Variants in KLF8 observed in about 807,000 individuals in gnomAD.
KLF8 encodes the protein Krueppel-like factor 8.
In KLF8, 10 loss-of-function variants were observed where a neutral mutation model predicts 18.2. That is an observed-to-expected ratio of 0.55 (90% confidence interval 0.34 to 0.93). The LOEUF (loss-of-function observed/expected upper bound fraction) is 0.93. Ranked by LOEUF, KLF8 falls within the 40% of genes least tolerant of loss-of-function variation. The pLI, the probability that KLF8 is intolerant of heterozygous loss-of-function variation, is 0.02. For missense variants in KLF8, 264 were observed against 277.9 expected (o/e 0.95, Z 0.36); for synonymous variants, 109 against 97.3 (o/e 1.12, Z -0.71).
chrX:55,938,209 G>A, the KLF8 span, among the ~76,000 whole-genome samples: 1 of 111,880 alleles, frequency 8.9e-6, no homozygotes, highest in African/African-American at 3.3e-5. Context: ...AAGAGATGGG[G>A]TGCCAATATT....
the KLF8 span, among the ~76,000 whole-genome samples, chrX:56,150,499 G>A: frequency 8.9e-6 from 1 of 111,739 alleles, no homozygotes; most frequent in African/African-American, 3.2e-5. Context: ...TACAACACCT[G>A]GGATGTAGTG....
the KLF8 span, among the ~76,000 whole-genome samples, chrX:56,195,801 TG>T: frequency 5.9e-4 from 66 of 111,033 alleles, no homozygotes; most frequent in African/African-American, 2.1e-3. Context: ...AGGGTCAAAA[TG>T]GAGGAAAAAG....
the KLF8 span, among the ~76,000 whole-genome samples, chrX:56,159,289 C>T: frequency 1.8e-5 from 2 of 111,787 alleles, no homozygotes; most frequent in Non-Finnish European, 3.8e-5. Context: ...TTAGGTTTGC[C>T]ATTGTTTTAT....
the KLF8 span, among the ~76,000 whole-genome samples, chrX:55,969,566 C>T: frequency 1.8e-5 from 2 of 110,534 alleles, no homozygotes; most frequent in Admixed American, 9.6e-5. Flanking sequence ...GCAAACCGAA[C>T]CCAAAATTAG....
chrX:56,099,589 T>C, the KLF8 span, among the ~76,000 whole-genome samples: 1 of 111,064 alleles, frequency 9.0e-6, no homozygotes, highest in Non-Finnish European at 1.9e-5. Context: ...AGCCAAGTTA[T>C]GAATGCGAAT....
At chrX:56,056,723 G>A in the KLF8 span, among the ~76,000 whole-genome samples, 114 of 96,754 alleles carry the variant, frequency 1.2e-3, 1 homozygote, top group African/African-American at 3.9e-3. Context: ...TGGGTGCAGC[G>A]CACCAGCATG....
intron 5 of KLF8, among the ~76,000 whole-genome samples, chrX:56,283,689 CTGTT>C (rs774529932): frequency 2.7e-5 from 3 of 112,298 alleles, no homozygotes; most frequent in Admixed American, 9.5e-5. Context: ...CTATTTTAGA[CTGTT>C]TGGTAGGAGA....
At chrX:56,125,346 G>A in the KLF8 span, among the ~76,000 whole-genome samples, 1 of 111,789 alleles carries the variant, frequency 8.9e-6, no homozygotes, top group Non-Finnish European at 1.9e-5. Flanking sequence ...AATGTCTAGA[G>A]TCCTGGGGAG....
chrX:56,179,636 A>G, the KLF8 span, among the ~76,000 whole-genome samples: 1 of 111,871 alleles, frequency 8.9e-6, no homozygotes, highest in Non-Finnish European at 1.9e-5. Flanking sequence ...TTTGTCCTAA[A>G]TAGCTCTTAT....
At chrX:56,037,958 TCC>T in the KLF8 span, among the ~76,000 whole-genome samples, 1 of 111,588 alleles carries the variant, frequency 9.0e-6, no homozygotes, top group African/African-American at 3.3e-5. Flanking sequence ...CCATCCCACC[TCC>T]CCACCACTTC....
the KLF8 span, among the ~76,000 whole-genome samples, chrX:55,954,923 G>A: frequency 9.0e-6 from 1 of 111,636 alleles, no homozygotes; most frequent in Non-Finnish European, 1.9e-5. Flanking sequence ...CATGTTGTAT[G>A]ATTCTATGTA....
At chrX:55,954,660 T>G in the KLF8 span, among the ~76,000 whole-genome samples, 1 of 112,354 alleles carries the variant, frequency 8.9e-6, no homozygotes, top group African/African-American at 3.2e-5. Flanking sequence ...ATTTATCATG[T>G]GCCCTAGCAA....
the KLF8 span, among the ~76,000 whole-genome samples, chrX:56,068,761 C>T: frequency 4.5e-5 from 5 of 111,053 alleles, no homozygotes; most frequent in Non-Finnish European, 3.8e-5. Context: ...CACAGCAGCC[C>T]CGCTTCTGCG....
At chrX:56,059,605 T>C in the KLF8 span, among the ~76,000 whole-genome samples, 1 of 112,222 alleles carries the variant, frequency 8.9e-6, no homozygotes, top group African/African-American at 3.2e-5. Flanking sequence ...ATTTATTAAA[T>C]AGGGAACCCT....
chrX:56,236,670 G>A (rs1164609134), intron 1 of KLF8, among the ~76,000 whole-genome samples: 2 of 110,882 alleles, frequency 1.8e-5, no homozygotes, highest in Non-Finnish European at 3.8e-5. Context: ...TTTTCAATTG[G>A]TAATGCATTC....
the KLF8 span, among the ~76,000 whole-genome samples, chrX:56,060,939 G>T: frequency 1.8e-5 from 2 of 111,761 alleles, no homozygotes; most frequent in Admixed American, 1.9e-4. Context: ...TATGTGTCCA[G>T]AAATTTACCC....
At position 56,290,666 on chromosome X, in the gene KLF8, C is replaced by G. The variant is rs193286793; in HGVS notation, c.*6172C>G. Among the ~76,000 whole-genome samples the G allele has an allele frequency of 5.3e-4, 59 of 111,208 alleles. 1 individual carries two copies. The highest frequency in any genetic ancestry group is 1.9e-3 in the African/African-American group (58 of 30,607). On this transcript the variant is annotated 3_prime_UTR_variant, in exon 6 of 6. Coordinates refer to ENST00000468660, the MANE Select transcript of KLF8 (RefSeq NM_007250.5). ...AAGCACAAAGGCAATTTTCCAGAGC[C>G]CTTTAAGCTTTGGCCAGTTCAGTTT... is the stretch of plus-strand genomic sequence containing the variant.
chrX:56,153,022 G>A, the KLF8 span, among the ~76,000 whole-genome samples: 4 of 111,782 alleles, frequency 3.6e-5, no homozygotes, highest in African/African-American at 9.7e-5. Context: ...AACACGCAAA[G>A]AGCTTTTGTG....
the KLF8 span, among the ~76,000 whole-genome samples, chrX:56,158,032 T>G: frequency 3.6e-5 from 4 of 112,117 alleles, no homozygotes; most frequent in East Asian, 2.8e-4. Context: ...GGTCTAACAT[T>G]TAAGTCTTTA....
Sources: gnomAD v4.1 joint callset for allele counts (sites outside exome capture counted in the v4.1 genomes callset) on GRCh38, gnomAD v4.1.1 for gene constraint, MANE v1.5 for transcripts, NCBI Gene and HGNC (gene_info 2026-07-23, HGNC 2026-07-21) for gene names.